SGIP1: variants seen among roughly 807,000 people sequenced by gnomAD.
The protein encoded by SGIP1 is SH3-containing GRB2-like protein 3-interacting protein 1.
SGIP1 carries 38 observed loss-of-function variants against 107.5 expected under a neutral mutation model. The observed-to-expected ratio is 0.35, with a 90% confidence interval of 0.27 to 0.46. The LOEUF (loss-of-function observed/expected upper bound fraction) is 0.46. SGIP1 is among the 20% of genes least tolerant of loss of function. SGIP1 has a pLI of 1.00. For missense variants in SGIP1, 929 were observed against 1,019.5 expected (o/e 0.91, Z 1.21); for synonymous variants, 365 against 366.1 (o/e 1.00, Z 0.03).
chr1:66,604,733 G>A (rs1386649068), intron 1 of SGIP1, among the ~76,000 whole-genome samples: 2 of 152,190 alleles, frequency 1.3e-5, no homozygotes, highest in African/African-American at 4.8e-5. Flanking sequence ...GATCAGCAGT[G>A]GGTTAACTGG....
chr1:66,588,472 A>G (rs1018207860), intron 1 of SGIP1, among the ~76,000 whole-genome samples: 1 of 152,174 alleles, frequency 6.6e-6, no homozygotes, highest in African/African-American at 2.4e-5. Context: ...AGATTTGTTC[A>G]TATGTAACAT....
At chr1:66,568,541 A>T (rs1171774289) in intron 1 of SGIP1, among the ~76,000 whole-genome samples, 7 of 152,022 alleles carry the variant, frequency 4.6e-5, no homozygotes, top group African/African-American at 1.4e-4. Context: ...GTTGAATAGG[A>T]GTGGTGAGAG....
chr1:66,630,368 G>A (rs2074003783), intron 2 of SGIP1, among the ~76,000 whole-genome samples: 1 of 150,176 alleles, frequency 6.7e-6, no homozygotes. Flanking sequence ...ATCTCCACAT[G>A]GATCAGTGCC....
At chr1:66,730,210 T>C (rs574895688) in intron 20 of SGIP1, among the ~76,000 whole-genome samples, 5 of 152,250 alleles carry the variant, frequency 3.3e-5, no homozygotes, top group Admixed American at 2.6e-4. Flanking sequence ...GTAATGATCA[T>C]TGTTTTGATG....
At chr1:66,600,616 A>C (rs561572344) in intron 1 of SGIP1, among the ~76,000 whole-genome samples, 1 of 152,304 alleles carries the variant, frequency 6.6e-6, no homozygotes, top group East Asian at 1.9e-4. Flanking sequence ...CAGAAACGAG[A>C]GGCTGAAACA....
chr1:66,533,715 G>GAT (rs1432733849), upstream of SGIP1: 1 of 152,692 alleles, frequency 6.5e-6, no homozygotes, highest in Non-Finnish European at 1.5e-5. Context: ...GTGTTGCTAA[G>GAT]ATTTCCGGCT....
At chr1:66,627,227 T>C (rs1321082555) in intron 2 of SGIP1, among the ~76,000 whole-genome samples, 1 of 152,084 alleles carries the variant, frequency 6.6e-6, no homozygotes, top group Non-Finnish European at 1.5e-5. Flanking sequence ...AAATCTCATA[T>C]TTGGATTGAT....
chr1:66,618,686 T>C (rs1270178786), intron 1 of SGIP1, among the ~76,000 whole-genome samples: 1 of 152,206 alleles, frequency 6.6e-6, no homozygotes, highest in Non-Finnish European at 1.5e-5. Flanking sequence ...TTGGTCTGCA[T>C]TAAAGTGCTT....
At chr1:66,719,848 A>G (rs2093434844) in intron 19 of SGIP1, among the ~76,000 whole-genome samples, 2 of 152,208 alleles carry the variant, frequency 1.3e-5, no homozygotes, top group Admixed American at 1.3e-4. Context: ...TGAGAACATG[A>G]AAGAAAAAAC....
chr1:66,602,480 A>G (rs1166379709), intron 1 of SGIP1, among the ~76,000 whole-genome samples: 1 of 152,272 alleles, frequency 6.6e-6, no homozygotes, highest in East Asian at 1.9e-4. Context: ...CTTCTAGAGA[A>G]TGGTGGTAAG....
intron 4 of SGIP1, among the ~76,000 whole-genome samples, chr1:66,638,797 G>A (rs542000293): frequency 7.2e-5 from 11 of 152,194 alleles, no homozygotes; most frequent in African/African-American, 2.6e-4. Flanking sequence ...AGTTCAAGTG[G>A]CCTTTATTTG....
chr1:66,559,774 C>T (rs891398524), intron 1 of SGIP1, among the ~76,000 whole-genome samples: 2 of 152,078 alleles, frequency 1.3e-5, no homozygotes, highest in Non-Finnish European at 2.9e-5. Flanking sequence ...TCTCACACTT[C>T]ATGTCGCTGG....
At chr1:66,576,069 G>A (rs958358585) in intron 1 of SGIP1, among the ~76,000 whole-genome samples, 1 of 152,142 alleles carries the variant, frequency 6.6e-6, no homozygotes, top group Non-Finnish European at 1.5e-5. Flanking sequence ...TGCAGCAAGA[G>A]GTCAGAAAAT....
At chr1:66,634,422 C>T (rs12740289) in intron 3 of SGIP1, among the ~76,000 whole-genome samples, 57,916 of 151,582 alleles carry the variant, frequency 0.38, 12,114 homozygotes, top group East Asian at 0.78. Context: ...GCAGCACCAA[C>T]TTAAATCTCT....
chr1:66,569,902 A>G (rs2060148564), intron 1 of SGIP1, among the ~76,000 whole-genome samples: 1 of 151,854 alleles, frequency 6.6e-6, no homozygotes. Flanking sequence ...TTTCTATAAT[A>G]GATATAGACT....
chr1:66,690,386 C>T (rs1446331645), intron 17 of SGIP1, 70 bp downstream of exon 17: 2 of 1,584,232 alleles, frequency 1.3e-6, no homozygotes, highest in Non-Finnish European at 1.7e-6. Context: ...TCTGAAATCC[C>T]CAAGGCCCTG....
chr1:66,693,836 G>A (rs1356377772), intron 17 of SGIP1, among the ~76,000 whole-genome samples: 3 of 152,214 alleles, frequency 2.0e-5, no homozygotes, highest in Non-Finnish European at 4.4e-5. Flanking sequence ...TTATGATAAT[G>A]CTGTTCAAAA....
chr1:66,583,598 C>A (rs2062129910), intron 1 of SGIP1, among the ~76,000 whole-genome samples: 1 of 152,130 alleles, frequency 6.6e-6, no homozygotes, highest in Non-Finnish European at 1.5e-5. Context: ...ATTAGGTAAA[C>A]TTAAGAGGAA....
At chr1:66,630,857 A>AAG (rs562626730) in intron 2 of SGIP1, among the ~76,000 whole-genome samples, 1 of 35,054 alleles carries the variant, frequency 2.9e-5, no homozygotes, top group African/African-American at 1.5e-4. Context: ...GAAAGAAAGA[A>AAG]AGAAAGAAAG....
Sources: gnomAD v4.1 joint callset for allele counts (sites outside exome capture counted in the v4.1 genomes callset) on GRCh38, gnomAD v4.1.1 for gene constraint, MANE v1.5 for transcripts, NCBI Gene and HGNC (gene_info 2026-07-23, HGNC 2026-07-21) for gene names.